The following CST9L variants were observed in gnomAD, a reference collection of about 807,000 sequenced individuals.
CST9L encodes the protein cystatin 9 like.
Under a neutral mutation model 13.2 loss-of-function variants are expected in CST9L, and 17 were observed. That is an observed-to-expected ratio of 1.29 (90% confidence interval 0.88 to 1.93). The LOEUF is 1.93. CST9L is among the 30% of genes most tolerant of loss of function. The pLI is 0.00. For synonymous variants in CST9L, 78 were observed against 69.1 expected (o/e 1.13, Z -0.64); for missense variants, 170 against 170.5 (o/e 1.00, Z 0.02).
chr20:23,567,139 T>C (rs1436928070), intron 1 of CST9L, among the ~76,000 whole-genome samples: 1 of 151,914 alleles, frequency 6.6e-6, no homozygotes, highest in Non-Finnish European at 1.5e-5. Context: ...TGGTGCAGGG[T>C]TGGGGTCCTT....
intron 2 of CST9L, among the ~76,000 whole-genome samples, chr20:23,565,318 A>T (rs1396256831): frequency 1.3e-5 from 2 of 152,178 alleles, no homozygotes; most frequent in Admixed American, 6.5e-5. Context: ...TCCTGGTGTG[A>T]TCCCTGCACC....
intron 2 of CST9L, among the ~76,000 whole-genome samples, chr20:23,565,652 G>C (rs1302656032): frequency 1.3e-5 from 2 of 152,298 alleles, no homozygotes; most frequent in South Asian, 2.1e-4. Flanking sequence ...GAAGACCAGA[G>C]AGGGGACCAC....
chr20:23,565,297 A>G (rs564886808), intron 2 of CST9L, among the ~76,000 whole-genome samples: 3 of 152,222 alleles, frequency 2.0e-5, no homozygotes, highest in East Asian at 1.9e-4. Context: ...CCTCAGGGGA[A>G]CCCCGGGCTG....
At position 23,565,088 on chromosome 20, in the gene CST9L, C is replaced by T. The variant is rs1248154413; in HGVS notation, c.355-51G>A. 3 of 1,306,102 alleles carry T rather than the reference C, an allele frequency of 2.3e-6. No individual in the cohort carries two copies. The African/African-American group carries it at 4.4e-5, about 19-fold the overall frequency. 80.9% of individuals were successfully genotyped at this position (1,306,102 alleles called of 1,614,324 possible). A position where few individuals can be genotyped will look rare whatever the true frequency, so the allele number is the denominator to read the frequency against. On this transcript the variant is annotated intron_variant, in intron 2 of 2. Coordinates refer to ENST00000376979, the MANE Select transcript of CST9L (RefSeq NM_080610.3). Reference sequence around the variant, plus strand: ...CAGTGGGTGAGGGAGGCTCAGGAAGCTCATGGCTCAAGCTCTGAACAATGG... The same window carrying T: ...CAGTGGGTGAGGGAGGCTCAGGAAGTTCATGGCTCAAGCTCTGAACAATGG...
At chr20:23,567,507 CAAAAAAAAA>C (rs11470332) in intron 1 of CST9L, among the ~76,000 whole-genome samples, 1 of 110,648 alleles carries the variant, frequency 9.0e-6, no homozygotes, top group Non-Finnish European at 1.7e-5. Flanking sequence ...GATTCCATCT[CAAAAAAAAA>C]AAAAAAAAAA....
In CST9L at chr20:23,568,436, C is replaced by T. The variant is rs752576351; in HGVS notation, c.15G>A (p.Pro5=). The T allele has an allele frequency of 1.2e-5, 19 of 1,613,796 alleles. No homozygotes were observed. The highest frequency in any genetic ancestry group is 6.7e-5 in the East Asian group (3 of 44,890). ...GCGCCCAGGACAGACCTCCCTTCCA[C>T]GGCAGGCCCAGCATGGTGCTGACTG... MLGL[P]WKGGLSWALL... is the part of the protein sequence containing the mutation. The change falls in exon 1 of 3, where the codon CCG becomes CCA. Residue 5 remains proline (P), a synonymous_variant. Transcript: ENST00000376979.
In CST9L at chr20:23,564,868, T is replaced by C. The variant is rs1304747593; in HGVS notation, c.*80A>G. 1.0e-6 allele frequency: 1 copy of C among 975,014 alleles called. No individual in the cohort carries two copies. The highest frequency in any genetic ancestry group is 1.7e-6 in the Non-Finnish European group (1 of 598,126). 60.4% of individuals were successfully genotyped at this position (975,014 alleles called of 1,614,324 possible). A position where few individuals can be genotyped will look rare whatever the true frequency, so the allele number is the denominator to read the frequency against. The stretch of plus-strand genomic sequence containing the variant: ...AACAAGTCCAAAGCTGCTCAGCCAC[T>C]GAAGAGTCCTCAGGAGAGTAGTGCT... On this transcript the variant is annotated 3_prime_UTR_variant, in exon 3 of 3. Coordinates refer to ENST00000376979, the MANE Select transcript of CST9L (RefSeq NM_080610.3).
Sources: allele counts gnomAD v4.1 joint callset (sites outside exome capture counted in the v4.1 genomes callset), GRCh38; gene constraint gnomAD v4.1.1; transcripts MANE v1.5; gene names NCBI Gene and HGNC (gene_info 2026-07-23, HGNC 2026-07-21).